CCDC171: variants seen among roughly 807,000 people sequenced by gnomAD.
CCDC171 encodes the protein coiled-coil domain-containing protein 171.
In CCDC171, 177 loss-of-function variants were observed where a neutral mutation model predicts 168.2. That is an observed-to-expected ratio of 1.05 (90% CI 0.93 to 1.19). CCDC171 has a LOEUF of 1.19. CCDC171 is among the 50% of genes most tolerant of loss of function. The probability of loss-of-function intolerance (pLI) is 0.00; values close to 1 mark genes in which losing one functional copy is unlikely to be tolerated. For synonymous variants in CCDC171, 687 were observed against 540.8 expected (o/e 1.27, Z -3.75); for missense variants, 1,991 against 1,539.0 (o/e 1.29, Z -4.91).
intron 3 of CCDC171, among the ~76,000 whole-genome samples, chr9:15,990,666 G>A (rs1027774174): frequency 6.6e-6 from 1 of 152,186 alleles, no homozygotes; most frequent in Non-Finnish European, 1.5e-5. Flanking sequence ...TCAGTGTGCT[G>A]TATTCAGGAC....
intron 25 of CCDC171, among the ~76,000 whole-genome samples, chr9:15,931,950 A>G (rs917763401): frequency 2.6e-5 from 4 of 151,728 alleles, no homozygotes; most frequent in Non-Finnish European, 5.9e-5. Flanking sequence ...GTTCTGTTGC[A>G]TTGGTTTATG....
chr9:15,727,562 A>C (rs1485670222), intron 14 of CCDC171, among the ~76,000 whole-genome samples: 2 of 152,164 alleles, frequency 1.3e-5, no homozygotes, highest in African/African-American at 4.8e-5. Flanking sequence ...ATAGCTAAGG[A>C]AACTTAAGCC....
At chr9:15,571,844 C>G (rs1444421223) in intron 3 of CCDC171, 85 bp downstream of exon 3, 3 of 1,207,010 alleles carry the variant, frequency 2.5e-6, no homozygotes, top group Non-Finnish European at 3.5e-6. Flanking sequence ...CCATGTTTAA[C>G]CTTTATAACT....
intron 21 of CCDC171, among the ~76,000 whole-genome samples, chr9:15,840,482 TG>T (rs1385690535): frequency 6.6e-6 from 1 of 152,120 alleles, no homozygotes; most frequent in Non-Finnish European, 1.5e-5. Context: ...GAAGAGCCCA[TG>T]TGTATTCTGT....
At chr9:15,987,602 A>G (rs1036885899) in intron 3 of CCDC171, among the ~76,000 whole-genome samples, 10 of 150,416 alleles carry the variant, frequency 6.6e-5, no homozygotes, top group Non-Finnish European at 1.0e-4. Context: ...ATGTTCTTCA[A>G]TGGCATGACT....
intron 18 of CCDC171, among the ~76,000 whole-genome samples, 180 bp from the exon 19 acceptor site, chr9:15,777,420 A>G (rs1443590627): frequency 1.3e-5 from 2 of 152,180 alleles, no homozygotes; most frequent in African/African-American, 2.4e-5. Context: ...TAGGTGAGCT[A>G]TTCTCTGAAT....
At chr9:15,951,833 A>G (rs1291163730) in intron 25 of CCDC171, among the ~76,000 whole-genome samples, 4 of 152,058 alleles carry the variant, frequency 2.6e-5, no homozygotes, top group African/African-American at 9.7e-5. Context: ...CTCTGTTCAT[A>G]GTGTCCTTTG....
intron 1 of CCDC171, among the ~76,000 whole-genome samples, chr9:15,563,417 C>A (rs1212008145): frequency 6.6e-6 from 1 of 152,104 alleles, no homozygotes; most frequent in Non-Finnish European, 1.5e-5. Context: ...GGATTACAGT[C>A]GTGAGCCACC....
chr9:15,900,017 G>C (rs1296039643), intron 24 of CCDC171, among the ~76,000 whole-genome samples: 1 of 151,972 alleles, frequency 6.6e-6, no homozygotes, highest in Non-Finnish European at 1.5e-5. Context: ...GATCAATTTT[G>C]AGTTAGTTTT....
intron 15 of CCDC171, among the ~76,000 whole-genome samples, chr9:15,729,094 G>A (rs1488513454): frequency 1.3e-5 from 2 of 152,142 alleles, no homozygotes; most frequent in Non-Finnish European, 2.9e-5. Context: ...AACCCTATGA[G>A]ATGGTATTAT....
In CCDC171 at chr9:15,697,967, A is replaced by G. The variant is rs1405298194; in HGVS notation, c.1318+2630A>G. 2.6e-5 allele frequency among the ~76,000 whole-genome samples: 4 copies of G among 152,228 alleles called. No individual in the cohort carries two copies. In the East Asian group the frequency reaches 7.7e-4, roughly 29 times the overall value. ...TAATCATCAAATCAGGGTATTTAAG[A>G]TACCAGTCACCTTGAACATTTAGCA... is the stretch of plus-strand genomic sequence containing the variant. On this transcript the variant is annotated intron_variant, in intron 11 of 25. Coordinates refer to ENST00000380701, the MANE Select transcript of CCDC171 (RefSeq NM_173550.4).
chr9:15,867,843 A>C (rs886975525), intron 23 of CCDC171, among the ~76,000 whole-genome samples: 1 of 152,002 alleles, frequency 6.6e-6, no homozygotes, highest in Non-Finnish European at 1.5e-5. Context: ...TTCTATTCTC[A>C]AGTATGGTTT....
At chr9:15,694,898 G>A (rs1277776615) in intron 10 of CCDC171, among the ~76,000 whole-genome samples, 1 of 152,184 alleles carries the variant, frequency 6.6e-6, no homozygotes, top group South Asian at 2.1e-4. Flanking sequence ...TTTTTTAAGT[G>A]TTCCATAATT....
At chr9:16,014,321 C>A (rs1343769138) in intron 3 of CCDC171, among the ~76,000 whole-genome samples, 1 of 152,280 alleles carries the variant, frequency 6.6e-6, no homozygotes, top group Admixed American at 6.5e-5. Context: ...TCTTCAGGTT[C>A]CGTTTCTAAT....
intron 12 of CCDC171, among the ~76,000 whole-genome samples, chr9:15,723,345 G>A (rs1054898744): frequency 6.6e-6 from 1 of 152,038 alleles, no homozygotes. Context: ...CTGGCATTTT[G>A]GTCCAGTAGG....
At chr9:15,883,969 C>T (rs185409235) in intron 24 of CCDC171, among the ~76,000 whole-genome samples, 1 of 152,140 alleles carries the variant, frequency 6.6e-6, no homozygotes, top group East Asian at 1.9e-4. Flanking sequence ...GGCAATAAAG[C>T]AGTTGAAATC....
In CCDC171 at chr9:15,727,881, T is replaced by G. The variant is rs907969440; in HGVS notation, c.1705T>G (p.Phe569Val). 4.4e-6 allele frequency: 7 copies of G among 1,606,136 alleles called. No individual in the cohort carries two copies. The highest frequency in any genetic ancestry group is 1.7e-4 in the Middle Eastern group (1 of 5,994). Residue 569 changes from phenylalanine (F) to valine (V), a missense_variant, in exon 15 of 26, where the codon TTC becomes GTC. Coordinates refer to ENST00000380701, the MANE Select transcript of CCDC171 (RefSeq NM_173550.4). ...TTTTTTCCTGCAGGAGAAGCTAACC[T>G]TCCTTCACACCTTATATCAGCACTT... The part of the protein sequence containing the change: ...FHKDAEEKLT[F>V]LHTLYQHLVA...
At chr9:16,020,120 C>T (rs1833121832) in intron 3 of CCDC171, among the ~76,000 whole-genome samples, 1 of 152,172 alleles carries the variant, frequency 6.6e-6, no homozygotes, top group African/African-American at 2.4e-5. Flanking sequence ...ATCCAAAACT[C>T]TCTTGAGCAT....
chr9:15,674,787 GTCAATTTTAGAATAAGTGCAAC>G (rs1173482218), intron 9 of CCDC171, among the ~76,000 whole-genome samples: 1 of 152,094 alleles, frequency 6.6e-6, no homozygotes, highest in African/African-American at 2.4e-5. Context: ...CAATTATGTG[GTCAATTTTAGAATAAGTGCAAC>G]GTGGTGTTGA....
Sources: gnomAD v4.1 joint callset for allele counts (sites outside exome capture counted in the v4.1 genomes callset) on GRCh38, gnomAD v4.1.1 for gene constraint, MANE v1.5 for transcripts, NCBI Gene and HGNC (gene_info 2026-07-23, HGNC 2026-07-21) for gene names.